MPP7: variants seen among roughly 807,000 people sequenced by gnomAD.
MPP7 encodes the protein MAGUK p55 subfamily member 7.
In MPP7, 60 loss-of-function variants were observed where a neutral mutation model predicts 76.5. The ratio of observed to expected loss-of-function variants is 0.78; its 90% CI spans 0.64 to 0.97. MPP7 has a LOEUF of 0.97. MPP7 is among the 50% of genes least tolerant of loss of function. MPP7 has a pLI of 0.00. For synonymous variants in MPP7, 237 were observed against 244.5 expected, an observed-to-expected ratio of 0.97 and a Z score of 0.29; for missense variants, 641 against 694.0, an observed-to-expected ratio of 0.92 and a Z score of 0.86.
chr10:28,305,052 T>C (rs72803695), upstream of MPP7, among the ~76,000 whole-genome samples: 10,686 of 152,208 alleles, frequency 0.07, 452 homozygotes, highest in Middle Eastern at 0.12. Flanking sequence ...CACTTAATTT[T>C]GGGAAAGGAG....
chr10:28,253,572 T>G lies in MPP7; in HGVS notation c.-131-14837A>C, dbSNP rs191047103. On this transcript the variant is annotated intron_variant, in intron 1 of 16. Coordinates refer to ENST00000683449, the MANE Select transcript of MPP7 (RefSeq NM_001318170.2). ...TAGAAACAGTGTTTACTAATATATTTCCTTATAGTTGATAGGTCCTATGTA... is the reference window on the plus strand; with the variant it reads ...TAGAAACAGTGTTTACTAATATATTGCCTTATAGTTGATAGGTCCTATGTA... Among the ~76,000 whole-genome samples the G allele has an allele frequency of 1.5e-3, 224 of 152,300 alleles. 1 individual carries two copies. The highest frequency in any genetic ancestry group is 0.013 in the South Asian group (62 of 4,832).
chr10:28,302,414 G>A (rs60648801), intron 1 of MPP7, among the ~76,000 whole-genome samples: 3,806 of 152,204 alleles, frequency 0.025, 166 homozygotes, highest in African/African-American at 0.087. Context: ...TAATTAACAC[G>A]ACCCAAGTGA....
intron 2 of MPP7, among the ~76,000 whole-genome samples, chr10:28,324,248 G>A (rs182912992): frequency 2.0e-4 from 30 of 152,324 alleles, no homozygotes; most frequent in Admixed American, 1.1e-3. Context: ...ACAGAGAGAA[G>A]ACGTTGTCTA....
chr10:28,068,077 T>C (rs530648782), intron 13 of MPP7, among the ~76,000 whole-genome samples: 1 of 152,268 alleles, frequency 6.6e-6, no homozygotes, highest in Non-Finnish European at 1.5e-5. Context: ...CTTTGTAATC[T>C]GTTTTTGCAT....
At chr10:28,175,289 CA>C (rs937278719) in intron 3 of MPP7, among the ~76,000 whole-genome samples, 82 of 131,680 alleles carry the variant, frequency 6.2e-4, no homozygotes, top group Non-Finnish European at 5.7e-4. Flanking sequence ...GATGTCGTCT[CA>C]AAAAAAAAAA....
intron 13 of MPP7, among the ~76,000 whole-genome samples, chr10:28,067,717 T>C (rs145804424): frequency 1.5e-3 from 233 of 152,274 alleles, no homozygotes; most frequent in African/African-American, 5.4e-3. Context: ...ACATCTCTCA[T>C]AGGGAGTTAC....
chr10:28,142,080 T>C (rs1327681485), intron 5 of MPP7, among the ~76,000 whole-genome samples: 3 of 151,878 alleles, frequency 2.0e-5, no homozygotes, highest in Non-Finnish European at 4.4e-5. Context: ...CAAAAGAAAA[T>C]AGGAAAGACA....
intron 1 of MPP7, among the ~76,000 whole-genome samples, chr10:28,291,110 A>G (rs1320939738): frequency 1.3e-5 from 2 of 152,364 alleles, no homozygotes; most frequent in East Asian, 3.9e-4. Flanking sequence ...ATATTAGAAT[A>G]TTATCATGAA....
intron 1 of MPP7, among the ~76,000 whole-genome samples, chr10:28,332,246 CGTGTGTGT>C (rs4018712): frequency 2.4e-4 from 35 of 146,892 alleles, no homozygotes; most frequent in East Asian, 8.2e-4. Flanking sequence ...CAAATGTATG[CGTGTGTGT>C]GTGTGTGTGT....
At chr10:28,307,029 G>A (rs1205964182), upstream of MPP7, among the ~76,000 whole-genome samples, 2 of 152,206 alleles carry the variant, frequency 1.3e-5, no homozygotes, top group African/African-American at 4.8e-5. Flanking sequence ...GATGATGGGG[G>A]CTGCAGGGGA....
chr10:28,069,206 AAAT>A (rs1262968783), intron 13 of MPP7, among the ~76,000 whole-genome samples: 1 of 152,224 alleles, frequency 6.6e-6, no homozygotes, highest in Non-Finnish European at 1.5e-5. Flanking sequence ...GTATATTTTA[AAAT>A]AATGAGTGTA....
intron 12 of MPP7, among the ~76,000 whole-genome samples, chr10:28,083,904 A>G (rs562064560): frequency 6.6e-6 from 1 of 152,330 alleles, no homozygotes; most frequent in Admixed American, 6.5e-5. Context: ...GTGATCTAAC[A>G]TGACAAAAAG....
chr10:28,070,096 G>A (rs1852167923), intron 12 of MPP7, among the ~76,000 whole-genome samples: 1 of 152,152 alleles, frequency 6.6e-6, no homozygotes, highest in African/African-American at 2.4e-5. Flanking sequence ...GTTTAAATGA[G>A]ATATGTTCTA....
intron 1 of MPP7, among the ~76,000 whole-genome samples, chr10:28,239,962 T>A (rs1013954003): frequency 2.6e-5 from 4 of 152,190 alleles, no homozygotes; most frequent in African/African-American, 4.8e-5. Context: ...GGTTTTTTTT[T>A]AATTCAGGTA....
intron 3 of MPP7, among the ~76,000 whole-genome samples, chr10:28,193,132 T>G: frequency 6.6e-6 from 1 of 152,060 alleles, no homozygotes; most frequent in East Asian, 1.9e-4. Flanking sequence ...CTGTAAAACT[T>G]CTAGGAGATA....
chr10:28,086,826 G>A (rs1325560125), intron 12 of MPP7, among the ~76,000 whole-genome samples: 7 of 152,096 alleles, frequency 4.6e-5, no homozygotes, highest in African/African-American at 7.2e-5. Context: ...TCTATCCCCC[G>A]CTGAATACAG....
chr10:28,109,221 G>C (rs994184031), intron 11 of MPP7, among the ~76,000 whole-genome samples: 2 of 152,150 alleles, frequency 1.3e-5, no homozygotes, highest in Non-Finnish European at 2.9e-5. Context: ...CCCGGAGGCA[G>C]AGGTTGCAGT....
intron 12 of MPP7, among the ~76,000 whole-genome samples, chr10:28,078,677 T>C (rs1054693459): frequency 1.3e-5 from 2 of 152,178 alleles, no homozygotes; most frequent in Non-Finnish European, 2.9e-5. Flanking sequence ...TAAAGCTGTG[T>C]GTATCAATTT....
chr10:28,120,399 A>C lies in MPP7; in HGVS notation c.691-9T>G. On this transcript the variant is annotated splice_polypyrimidine_tract_variant and intron_variant, in intron 9 of 16. Coordinates refer to ENST00000683449, the MANE Select transcript of MPP7 (RefSeq NM_001318170.2). ...AGGGCTTTGATAAACATCTGGAAGA[A>C]AAGTTTCATTAAAGATGAATAAAGA... 6.2e-7 allele frequency: 1 copy of C among 1,604,398 alleles called. No individual in the cohort carries two copies. Among genetic ancestry groups the C allele is most frequent in the Non-Finnish European group, 8.5e-7 (1 of 1,176,022 alleles).
Sources: gnomAD v4.1 joint callset for allele counts (sites outside exome capture counted in the v4.1 genomes callset) on GRCh38, gnomAD v4.1.1 for gene constraint, MANE v1.5 for transcripts, NCBI Gene and HGNC (gene_info 2026-07-23, HGNC 2026-07-21) for gene names.